Variants in CENPP observed in about 807,000 individuals in gnomAD.
CENPP encodes centromere protein P.
A neutral mutation model predicts 35.6 loss-of-function variants in CENPP; 24 were observed. The observed-to-expected ratio is 0.67, with a 90% CI of 0.49 to 0.95. CENPP has a LOEUF of 0.95. Among genes scored for constraint, CENPP ranks in the 40% least tolerant of loss-of-function variants. The pLI, the probability that CENPP is intolerant of heterozygous loss-of-function variation, is 0.00. For missense variants in CENPP, 332 were observed against 345.3 expected, an observed-to-expected ratio of 0.96 and a Z score of 0.31; for synonymous variants, 120 against 125.5, an observed-to-expected ratio of 0.96 and a Z score of 0.29.
rs546693162 is a variant in CENPP at position 92,616,232 on chromosome 9, G to A, written c.*3083G>A. 7 of 564,722 alleles carry A rather than the reference G, an allele frequency of 1.2e-5. No homozygotes were observed. The East Asian group carries it at 1.8e-4, about 15-fold the overall frequency. The allele number at this position is 564,722 out of a possible 1,614,324, so 35.0% of individuals were successfully genotyped here. ...GAGAAGTGAATGGCCTCACACCCCA[G>A]CTCACAAAGAGCACTCGTTCTGTGC... On this transcript the variant is annotated 3_prime_UTR_variant, in exon 8 of 8. Coordinates refer to ENST00000375587, the MANE Select transcript of CENPP (RefSeq NM_001012267.3).
intron 5 of CENPP, among the ~76,000 whole-genome samples, chr9:92,536,821 T>G (rs1444945596): frequency 2.0e-5 from 3 of 152,112 alleles, no homozygotes; most frequent in Admixed American, 2.0e-4. Context: ...ATGAAGGTCC[T>G]AACTCAGTGC....
At chr9:92,597,165 C>T (rs1206818158) in intron 5 of CENPP, among the ~76,000 whole-genome samples, 3 of 152,052 alleles carry the variant, frequency 2.0e-5, no homozygotes, top group Non-Finnish European at 4.4e-5. Context: ...GTTGTGTAAT[C>T]TTAAGCAAGT....
At chr9:92,373,867 T>C (rs1473138982) in intron 4 of CENPP, among the ~76,000 whole-genome samples, 1 of 152,124 alleles carries the variant, frequency 6.6e-6, no homozygotes, top group Non-Finnish European at 1.5e-5. Context: ...TATCTGAGAT[T>C]TCTGAAATTT....
chr9:92,489,336 C>A (rs1846127955), intron 5 of CENPP, among the ~76,000 whole-genome samples: 1 of 152,210 alleles, frequency 6.6e-6, no homozygotes, highest in African/African-American at 2.4e-5. Context: ...AGGAAAGGAA[C>A]AAACTTGCTA....
chr9:92,336,221 T>C (rs1220433572), intron 2 of CENPP, among the ~76,000 whole-genome samples: 2 of 152,206 alleles, frequency 1.3e-5, no homozygotes, highest in Admixed American at 1.3e-4. Flanking sequence ...GCAGGAAAAC[T>C]ATGAAAGTGA....
At chr9:92,341,186 G>T (rs1405147427) in intron 3 of CENPP, among the ~76,000 whole-genome samples, 1 of 152,148 alleles carries the variant, frequency 6.6e-6, no homozygotes, top group Non-Finnish European at 1.5e-5. Flanking sequence ...GTTCAGACCA[G>T]TTGATCTCAA....
chr9:92,386,083 C>G, intron 5 of CENPP: 1 of 725,018 alleles, frequency 1.4e-6, no homozygotes, highest in South Asian at 1.8e-5. Flanking sequence ...ATTTAGCTAT[C>G]ACGCTACTAC....
At chr9:92,599,843 CT>C (rs916179310) in intron 5 of CENPP, among the ~76,000 whole-genome samples, 1 of 152,216 alleles carries the variant, frequency 6.6e-6, no homozygotes, top group African/African-American at 2.4e-5. Flanking sequence ...GGTCAGATTA[CT>C]TTCCCCCTAG....
At chr9:92,426,034 A>G (rs1843957457) in intron 5 of CENPP, among the ~76,000 whole-genome samples, 1 of 152,226 alleles carries the variant, frequency 6.6e-6, no homozygotes, top group African/African-American at 2.4e-5. Context: ...TGTGAAAGAA[A>G]AATCAGTAGA....
In CENPP at chr9:92,533,303, C is replaced by CAAA. The variant is rs1174584000; in HGVS notation, c.565-77987_565-77985dup. On this transcript the variant is annotated intron_variant, in intron 5 of 7. Transcript: ENST00000375587. ...CGATAGAGTGAGACTCGGTCTCAAA[C>CAAA]AAAAAAAAAAAAAAAAAAAAAAAAA... Among the ~76,000 whole-genome samples the CAAA allele has an allele frequency of 1.4e-3, 43 of 29,882 alleles. 4 individuals are homozygous for CAAA. Among genetic ancestry groups the CAAA allele is most frequent in the Non-Finnish European group, 2.0e-3 (36 of 17,870 alleles). The allele number at this position is 29,882 out of a possible 152,430, so 19.6% of individuals were successfully genotyped here.
chr9:92,405,099 AT>A (rs1334077957), intron 5 of CENPP, among the ~76,000 whole-genome samples: 1 of 152,138 alleles, frequency 6.6e-6, no homozygotes, highest in African/African-American at 2.4e-5. Flanking sequence ...TTTTAGTTAC[AT>A]ATAAGAAAAA....
intron 5 of CENPP, among the ~76,000 whole-genome samples, chr9:92,592,156 T>G (rs991873579): frequency 6.6e-6 from 1 of 152,054 alleles, no homozygotes; most frequent in Non-Finnish European, 1.5e-5. Flanking sequence ...ATGTATACAC[T>G]TATACATTTA....
intron 5 of CENPP, among the ~76,000 whole-genome samples, chr9:92,574,212 A>G (rs1303471119): frequency 6.6e-6 from 1 of 152,032 alleles, no homozygotes; most frequent in Admixed American, 6.6e-5. Context: ...GCCATCTTGG[A>G]ACCTCCCCCC....
chr9:92,436,183 G>A (rs1367419497), intron 5 of CENPP, among the ~76,000 whole-genome samples: 1 of 152,128 alleles, frequency 6.6e-6, no homozygotes, highest in African/African-American at 2.4e-5. Flanking sequence ...CTTTTCATGT[G>A]CTTATTTGCT....
rs908013440 is a variant in CENPP, at chr9:92,618,429, C to T, written c.*5280C>T. 2.4e-5 allele frequency: 11 copies of T among 456,688 alleles called. No homozygotes were observed. Among genetic ancestry groups the T allele is most frequent in the African/African-American group, 8.0e-5 (4 of 50,172 alleles). 28.3% of individuals were successfully genotyped at this position (456,688 alleles called of 1,614,324 possible). On this transcript the variant is annotated 3_prime_UTR_variant, in exon 8 of 8. Transcript: ENST00000375587. Reference sequence around the variant, plus strand: ...CACTAAGAGATTCCCAGGTGCTAGACGAGGTGAGTAACATGTCTGTCCTTC... The same window carrying T: ...CACTAAGAGATTCCCAGGTGCTAGATGAGGTGAGTAACATGTCTGTCCTTC...
chr9:92,515,118 A>G (rs201071759), intron 5 of CENPP: 12 of 1,613,824 alleles, frequency 7.4e-6, no homozygotes, highest in Non-Finnish European at 9.3e-6. Context: ...TATGAAGTAA[A>G]TTGGTAGGTT....
intron 5 of CENPP, among the ~76,000 whole-genome samples, chr9:92,567,881 T>C (rs1206905435): frequency 1.3e-5 from 2 of 151,898 alleles, no homozygotes; most frequent in Non-Finnish European, 2.9e-5. Flanking sequence ...GGAGCTTAAA[T>C]ACCTCACTAC....
chr9:92,570,159 G>C (rs926722362), intron 5 of CENPP, among the ~76,000 whole-genome samples: 1 of 152,110 alleles, frequency 6.6e-6, no homozygotes. Flanking sequence ...TCTTGTGCCA[G>C]TTTTCAAAGG....
intron 5 of CENPP, among the ~76,000 whole-genome samples, chr9:92,582,003 G>C (rs1457252578): frequency 3.9e-5 from 6 of 152,058 alleles, no homozygotes; most frequent in African/African-American, 1.4e-4. Flanking sequence ...TGACTTTTCA[G>C]CTAACACAGG....
Sources: allele counts gnomAD v4.1 joint callset (sites outside exome capture counted in the v4.1 genomes callset), GRCh38; gene constraint gnomAD v4.1.1; transcripts MANE v1.5; gene names NCBI Gene and HGNC (gene_info 2026-07-23, HGNC 2026-07-21).